The following SYTL5 variants were observed in gnomAD, a reference collection of about 807,000 sequenced individuals.
SYTL5 encodes the protein synaptotagmin like 5, also known as synaptotagmin-like protein 5.
SYTL5 carries 34 observed loss-of-function variants against 55.9 expected under a neutral mutation model. That is an observed-to-expected ratio of 0.61 (90% CI 0.46 to 0.81). The LOEUF (loss-of-function observed/expected upper bound fraction) is 0.81. SYTL5 is among the 30% of genes least tolerant of loss of function. The probability of loss-of-function intolerance (pLI) is 0.00; values close to 1 mark genes in which losing one functional copy is unlikely to be tolerated. For synonymous variants in SYTL5, 221 were observed against 188.7 expected (o/e 1.17, Z -1.40); for missense variants, 637 against 546.7 (o/e 1.17, Z -1.65).
chrX:38,107,697 T>C (rs1263547043), intron 11 of SYTL5, among the ~76,000 whole-genome samples: 2 of 111,557 alleles, frequency 1.8e-5, no homozygotes, highest in Non-Finnish European at 3.8e-5. Context: ...AACTCTTTTC[T>C]GCACAATAGA....
the SYTL5 span, among the ~76,000 whole-genome samples, chrX:37,913,663 A>G: frequency 8.9e-6 from 1 of 112,145 alleles, no homozygotes; most frequent in East Asian, 2.8e-4. Flanking sequence ...CCCTTGACCA[A>G]TGTGAGATGG....
chrX:38,092,605 A>G (rs1936828101), intron 7 of SYTL5, among the ~76,000 whole-genome samples: 1 of 111,356 alleles, frequency 9.0e-6, no homozygotes, highest in Admixed American at 9.6e-5. Context: ...GCTTTGTTCT[A>G]GCCACACTGG....
At chrX:37,956,568 CACTTAGCATAACGTCCACAAAGTTCATCT>C in the SYTL5 span, among the ~76,000 whole-genome samples, 1 of 112,193 alleles carries the variant, frequency 8.9e-6, no homozygotes, top group African/African-American at 3.2e-5. Flanking sequence ...TGGCTTATTC[CACTTAGCATAACGTCCACAAAGTTCATCT>C]ATGTTATCTC....
At chrX:37,892,775 C>T in the SYTL5 span, among the ~76,000 whole-genome samples, 1 of 93,175 alleles carries the variant, frequency 1.1e-5, no homozygotes, top group African/African-American at 4.0e-5. Flanking sequence ...TACAGATATA[C>T]ATATATTGTG....
At chrX:38,085,716 A>C (rs781731294) in intron 6 of SYTL5, among the ~76,000 whole-genome samples, 2 of 111,810 alleles carry the variant, frequency 1.8e-5, no homozygotes, top group Non-Finnish European at 3.8e-5. Flanking sequence ...ACATTTAACC[A>C]TATGGGAACA....
the SYTL5 span, among the ~76,000 whole-genome samples, chrX:37,938,842 T>C: frequency 2.7e-5 from 3 of 112,374 alleles, no homozygotes; most frequent in Non-Finnish European, 3.7e-5. Context: ...ACAGACCTTC[T>C]GGCAATTGTT....
the SYTL5 span, among the ~76,000 whole-genome samples, chrX:37,899,310 C>T: frequency 9.0e-6 from 1 of 111,389 alleles, no homozygotes; most frequent in East Asian, 2.8e-4. Flanking sequence ...CAAGCATCCT[C>T]CTGCCTCAGC....
At chrX:37,987,040 C>T in the SYTL5 span, among the ~76,000 whole-genome samples, 2 of 111,061 alleles carry the variant, frequency 1.8e-5, no homozygotes, top group African/African-American at 6.5e-5. Flanking sequence ...TTAAAACATG[C>T]CAAATACTTT....
At chrX:38,005,870 G>T (rs1392306085), upstream of SYTL5, among the ~76,000 whole-genome samples, 1 of 111,578 alleles carries the variant, frequency 9.0e-6, no homozygotes, top group Non-Finnish European at 1.9e-5. Context: ...TAACATAAAT[G>T]GGTAATCACC....
At chrX:37,961,203 T>C in the SYTL5 span, among the ~76,000 whole-genome samples, 1 of 111,481 alleles carries the variant, frequency 9.0e-6, no homozygotes, top group African/African-American at 3.3e-5. Context: ...TTAAGTGCAT[T>C]TTCCATTGCT....
chrX:37,898,323 G>A, the SYTL5 span, among the ~76,000 whole-genome samples: 1 of 111,482 alleles, frequency 9.0e-6, no homozygotes, highest in Non-Finnish European at 1.9e-5. Context: ...ATGAATGTGG[G>A]GGGACACAAA....
chrX:38,077,291 A>G (rs1181548101), intron 6 of SYTL5, among the ~76,000 whole-genome samples: 1 of 111,495 alleles, frequency 9.0e-6, no homozygotes, highest in East Asian at 2.8e-4. Flanking sequence ...TCTGTATCCT[A>G]TTGGAGCATA....
chrX:38,126,521 T>A, intron 16 of SYTL5, 67 bp from the exon 17 acceptor site: 1 of 1,143,067 alleles, frequency 8.7e-7, no homozygotes, highest in Non-Finnish European at 1.2e-6. Flanking sequence ...CAGAAGTTGA[T>A]AGATACCTTG....
chrX:37,947,729 C>G, the SYTL5 span, among the ~76,000 whole-genome samples: 1 of 111,283 alleles, frequency 9.0e-6, no homozygotes, highest in Non-Finnish European at 1.9e-5. Flanking sequence ...ATTTGGCAGA[C>G]AGACTTTGGT....
the SYTL5 span, among the ~76,000 whole-genome samples, chrX:37,892,610 GTATATACA>G: frequency 4.4e-5 from 4 of 90,341 alleles, no homozygotes; most frequent in African/African-American, 1.7e-4. Flanking sequence ...GTATATAATT[GTATATACA>G]TATATACATA....
At chrX:38,046,403 C>CA (rs1935461955) in intron 2 of SYTL5, among the ~76,000 whole-genome samples, 1 of 111,434 alleles carries the variant, frequency 9.0e-6, no homozygotes, top group Admixed American at 9.5e-5. Context: ...CACATGGTGG[C>CA]AGACAGGAGA....
At chrX:38,000,379 T>G in the SYTL5 span, among the ~76,000 whole-genome samples, 1 of 112,047 alleles carries the variant, frequency 8.9e-6, no homozygotes, top group Admixed American at 9.5e-5. Context: ...TAGGTGTATG[T>G]ATTTATGGGT....
At chrX:37,947,757 C>CACTT in the SYTL5 span, among the ~76,000 whole-genome samples, 1,022 of 110,163 alleles carry the variant, frequency 9.3e-3, 26 homozygotes, top group East Asian at 0.076. Context: ...CTAATTTTCC[C>CACTT]ACTTTGTAAG....
chrX:37,980,057 G>A, the SYTL5 span, among the ~76,000 whole-genome samples: 1 of 111,203 alleles, frequency 9.0e-6, no homozygotes, highest in Admixed American at 9.6e-5. Flanking sequence ...AACATGCGGT[G>A]TTTGGTTTTT....
Sources: gnomAD v4.1 joint callset for allele counts (sites outside exome capture counted in the v4.1 genomes callset) on GRCh38, gnomAD v4.1.1 for gene constraint, MANE v1.5 for transcripts, NCBI Gene and HGNC (gene_info 2026-07-23, HGNC 2026-07-21) for gene names.